The following RPH3AL variants were observed in gnomAD, a reference collection of about 807,000 sequenced individuals.
RPH3AL encodes the protein rab effector Noc2.
In RPH3AL, 38 loss-of-function variants were observed where a neutral mutation model predicts 43.1. That is an observed-to-expected ratio of 0.88 (90% CI 0.68 to 1.15). The LOEUF is 1.15. Ranked by LOEUF, RPH3AL falls within the 50% of genes most tolerant of loss-of-function variation. The pLI is 0.00. For synonymous variants in RPH3AL, 189 were observed against 176.3 expected, an observed-to-expected ratio of 1.07 and a Z score of -0.57; for missense variants, 462 against 423.2, an observed-to-expected ratio of 1.09 and a Z score of -0.81.
intron 6 of RPH3AL, among the ~76,000 whole-genome samples, chr17:260,689 T>A (rs868932835): frequency 1.3e-5 from 2 of 152,062 alleles, no homozygotes; most frequent in African/African-American, 4.8e-5. Context: ...TACCTCTCCC[T>A]CCTCCATTAC....
intron 6 of RPH3AL, among the ~76,000 whole-genome samples, chr17:281,157 G>T (rs2042768910): frequency 6.6e-6 from 1 of 152,112 alleles, no homozygotes; most frequent in African/African-American, 2.4e-5. Context: ...CCTCAAATGG[G>T]GTTGGAACTA....
chr17:243,023 C>T (rs528605359), intron 7 of RPH3AL, among the ~76,000 whole-genome samples: 2 of 125,982 alleles, frequency 1.6e-5, no homozygotes, highest in African/African-American at 5.9e-5. Context: ...TATTGAATAC[C>T]TTCCTCTATT....
chr17:222,002 A>C (rs1439140537), intron 7 of RPH3AL, among the ~76,000 whole-genome samples: 2 of 146,100 alleles, frequency 1.4e-5, no homozygotes, highest in Admixed American at 1.4e-4. Flanking sequence ...TGAGGCCTCC[A>C]CTCACTGAGA....
chr17:306,190 G>C (rs970985757), intron 5 of RPH3AL, among the ~76,000 whole-genome samples: 2 of 151,788 alleles, frequency 1.3e-5, no homozygotes, highest in African/African-American at 4.8e-5. Flanking sequence ...CCACAGCCTG[G>C]GATCCAGCCT....
chr17:306,978 G>A (rs1156569292), intron 5 of RPH3AL, among the ~76,000 whole-genome samples: 6 of 152,148 alleles, frequency 3.9e-5, no homozygotes, highest in African/African-American at 1.4e-4. Context: ...GCCCTCTCCT[G>A]GCACCTGGTC....
chr17:313,405 T>A (rs2043698170), intron 5 of RPH3AL, among the ~76,000 whole-genome samples: 1 of 152,236 alleles, frequency 6.6e-6, no homozygotes, highest in Non-Finnish European at 1.5e-5. Context: ...CCGCTCACTC[T>A]CTGCCCCAGA....
At position 300,653 on chromosome 17, in the gene RPH3AL, C is replaced by A. The variant is rs1373084041; in HGVS notation, c.351+18767G>T. ...CTCACCCACTCTAGAAGGGGCTGGCCCAGCCTAGACCTGCAGAATCTCTCA... is the reference window on the plus strand; with the variant it reads ...CTCACCCACTCTAGAAGGGGCTGGCACAGCCTAGACCTGCAGAATCTCTCA... On this transcript the variant is annotated intron_variant, in intron 5 of 9. Coordinates refer to ENST00000331302, the MANE Select transcript of RPH3AL (RefSeq NM_006987.4). 3.2e-4 allele frequency among the ~76,000 whole-genome samples: 44 copies of A among 135,934 alleles called. 1 individual carries two copies. The highest frequency in any genetic ancestry group is 1.3e-3 in the African/African-American group (40 of 30,606). The allele number at this position is 135,934 out of a possible 152,430, so 89.2% of individuals were successfully genotyped here. A position where few individuals can be genotyped will look rare whatever the true frequency, so the allele number is the denominator to read the frequency against.
intron 3 of RPH3AL, among the ~76,000 whole-genome samples, chr17:326,344 T>C (rs1057293989): frequency 6.6e-6 from 1 of 152,252 alleles, no homozygotes; most frequent in African/African-American, 2.4e-5. Context: ...TAACATCTAA[T>C]TGCAATTTTT....
At chr17:253,317 G>A (rs2041958677) in intron 6 of RPH3AL, among the ~76,000 whole-genome samples, 1 of 152,084 alleles carries the variant, frequency 6.6e-6, no homozygotes, top group African/African-American at 2.4e-5. Flanking sequence ...TGGCAATGTG[G>A]CCAAGCCATC....
Position 281,759 on chromosome 17 carries a change from A to G in RPH3AL, c.438+9T>C. 6.3e-7 allele frequency: 1 copy of G among 1,584,742 alleles called. No individual in the cohort carries two copies. Among genetic ancestry groups the G allele is most frequent in the African/African-American group, 1.4e-5 (1 of 73,646 alleles). On this transcript the variant is annotated intron_variant, in intron 6 of 9. Transcript: ENST00000331302. ...TCAGCCCTCCCCACCGTCACCCTGG[A>G]CGCCCTACCTCTCTTTGCTCACTGC...
intron 6 of RPH3AL, among the ~76,000 whole-genome samples, chr17:272,141 A>C (rs903235925): frequency 1.1e-4 from 17 of 152,150 alleles, no homozygotes; most frequent in South Asian, 2.1e-4. Context: ...AATAGGAACA[A>C]TTTTACACTG....
At chr17:315,566 C>A (rs71355222) in intron 5 of RPH3AL, among the ~76,000 whole-genome samples, 16,878 of 134,338 alleles carry the variant, frequency 0.13, 173 homozygotes, top group East Asian at 0.3. Context: ...TCCCTGTGCC[C>A]CACCTCCATT....
intron 7 of RPH3AL, among the ~76,000 whole-genome samples, chr17:223,497 A>G (rs2041038451): frequency 6.6e-6 from 1 of 152,166 alleles, no homozygotes; most frequent in African/African-American, 2.4e-5. Flanking sequence ...GCCCTTAGTG[A>G]GCATCGTCTT....
chr17:268,553 GTTT>G (rs5818749), intron 6 of RPH3AL, among the ~76,000 whole-genome samples: 46 of 74,530 alleles, frequency 6.2e-4, no homozygotes, highest in African/African-American at 1.3e-3. Context: ...ATGTTTTTGG[GTTT>G]TTTTTTTTTT....
At chr17:296,175 C>T (rs1157518021) in intron 5 of RPH3AL, among the ~76,000 whole-genome samples, 1 of 104,728 alleles carries the variant, frequency 9.5e-6, no homozygotes, top group Non-Finnish European at 1.9e-5. Flanking sequence ...CAGACATGAA[C>T]GGGCAGAGGG....
At chr17:220,230 A>T (rs1444531853) in intron 7 of RPH3AL, among the ~76,000 whole-genome samples, 83 of 123,540 alleles carry the variant, frequency 6.7e-4, no homozygotes, top group South Asian at 1.6e-3. Flanking sequence ...CCCAAAAACA[A>T]CAGCTCTGAG....
chr17:232,829 C>CGTGT (rs71143481), intron 7 of RPH3AL, among the ~76,000 whole-genome samples: 1,504 of 119,418 alleles, frequency 0.013, 25 homozygotes, highest in East Asian at 0.013. Context: ...TCCTTTCCGG[C>CGTGT]GTGTGTGTGT....
At chr17:293,449 A>C (rs1392425238) in intron 5 of RPH3AL, among the ~76,000 whole-genome samples, 1 of 151,818 alleles carries the variant, frequency 6.6e-6, no homozygotes, top group Non-Finnish European at 1.5e-5. Flanking sequence ...AGACGAGATG[A>C]AGCCGCCAGG....
chr17:261,349 CCT>C (rs148235807), intron 6 of RPH3AL, among the ~76,000 whole-genome samples: 1 of 151,974 alleles, frequency 6.6e-6, no homozygotes, highest in Non-Finnish European at 1.5e-5. Flanking sequence ...GAATGTGCTT[CCT>C]CTCTCTCTCT....
Sources: gnomAD v4.1 joint callset for allele counts (sites outside exome capture counted in the v4.1 genomes callset) on GRCh38, gnomAD v4.1.1 for gene constraint, MANE v1.5 for transcripts, NCBI Gene and HGNC (gene_info 2026-07-23, HGNC 2026-07-21) for gene names.